Variants in SYNE1 observed in about 807,000 individuals in gnomAD.
SYNE1 encodes spectrin repeat containing nuclear envelope protein 1.
A neutral mutation model predicts 1,111.0 loss-of-function variants in SYNE1; 616 were observed. That is an observed-to-expected ratio of 0.55 (90% CI 0.52 to 0.59). The LOEUF is 0.59. SYNE1 is among the 20% of genes least tolerant of loss of function. The pLI, the probability that SYNE1 is intolerant of heterozygous loss-of-function variation, is 0.00. For missense variants in SYNE1, 10,006 were observed against 10,417.0 expected, an observed-to-expected ratio of 0.96 and a Z score of 1.72; for synonymous variants, 3,855 against 3,825.8, an observed-to-expected ratio of 1.01 and a Z score of -0.28.
In SYNE1 at chr6:152,242,261, C is replaced by T. The variant is rs777477024; in HGVS notation, c.19872G>A (p.Gln6624=). The T allele has an allele frequency of 1.9e-6, 3 of 1,614,000 alleles. No homozygotes were observed. The highest frequency in any genetic ancestry group is 4.5e-5 in the East Asian group (2 of 44,860). The change falls in exon 107 of 146, where the codon CAG becomes CAA. Residue 6624 remains glutamine, a synonymous_variant. Coordinates refer to ENST00000367255, the MANE Select transcript of SYNE1 (RefSeq NM_182961.4). The stretch of plus-strand genomic sequence containing the variant: ...GTACCTTATGTTTGTCAAGTAGTTG[C>T]TGGATTTCCTCTTTGGAAGACACGA... ...KIIVSSKEEI[Q]QLLDKHKEYF...
chr6:152,250,234 A>G (rs2088739964), intron 104 of SYNE1, among the ~76,000 whole-genome samples: 1 of 152,092 alleles, frequency 6.6e-6, no homozygotes, highest in Non-Finnish European at 1.5e-5. Context: ...ACTACATGCC[A>G]GCCTGGGTGA....
chr6:152,391,316 C>T lies in SYNE1; in HGVS notation c.7965G>A (p.Gly2655=), dbSNP rs1427730499. Reference sequence around the variant, plus strand: ...GCCGTTTCTCCAGGGTGTCTTTGCTCCCAAGAGTGCTCTCTGCACAGGCCA... The same window carrying T: ...GCCGTTTCTCCAGGGTGTCTTTGCTTCCAAGAGTGCTCTCTGCACAGGCCA... ...DRLACAESTL[G]SKDTLEKRLS... is the part of the protein sequence containing the mutation. Residue 2655 remains glycine, a synonymous_variant, in exon 52 of 146, where the codon GGG becomes GGA. Coordinates refer to ENST00000367255, the MANE Select transcript of SYNE1 (RefSeq NM_182961.4). 4.3e-6 allele frequency: 7 copies of T among 1,614,070 alleles called. No individual in the cohort carries two copies. The highest frequency in any genetic ancestry group is 3.3e-5 in the Admixed American group (2 of 60,008).
intron 121 of SYNE1, among the ~76,000 whole-genome samples, chr6:152,217,821 T>G (rs1200289726): frequency 2.0e-5 from 3 of 152,136 alleles, no homozygotes; most frequent in Non-Finnish European, 4.4e-5. Flanking sequence ...GAAATCAGCC[T>G]GTGCCCACTG....
At position 152,404,324 on chromosome 6, in the gene SYNE1, G is replaced by T. The variant is rs775056621; in HGVS notation, c.6724-10C>A. 2.5e-6 allele frequency: 4 copies of T among 1,594,260 alleles called. No homozygotes were observed. The highest frequency in any genetic ancestry group is 3.4e-6 in the Non-Finnish European group (4 of 1,164,252). On this transcript the variant is annotated splice_polypyrimidine_tract_variant and intron_variant, in intron 45 of 145. Transcript: ENST00000367255. ...TGTTTTTAACTTCAGACTGCCAAAA[G>T]GGAAGAAACATAACTAATCAAAAAC...
chr6:152,292,300 A>C (rs2094643496), intron 95 of SYNE1, among the ~76,000 whole-genome samples: 1 of 152,158 alleles, frequency 6.6e-6, no homozygotes. Flanking sequence ...CTGGTCTTGG[A>C]TAACAAGGGT....
intron 46 of SYNE1, among the ~76,000 whole-genome samples, chr6:152,403,984 A>G (rs2097856490): frequency 6.6e-6 from 1 of 151,990 alleles, no homozygotes; most frequent in South Asian, 2.1e-4. Context: ...TGATGATGAT[A>G]ACATCGAGGA....
At position 152,281,839 on chromosome 6, in the gene SYNE1, T is replaced by C. The variant is rs1301548736; in HGVS notation, c.18349A>G (p.Met6117Val). ...TCCATAAGCTGGGCCTCCATGTCCA[T>C]GGGCTCCTTGGGTGGACTCAGCGCA... is the stretch of plus-strand genomic sequence containing the variant. The part of the protein sequence containing the change: ...DTALSPPKEP[M>V]DMEAQLMDCQ... Residue 6117 changes from methionine to valine, a missense_variant, in exon 97 of 146, where the codon ATG becomes GTG. Coordinates refer to ENST00000367255, the MANE Select transcript of SYNE1 (RefSeq NM_182961.4). 2 of 1,614,060 alleles carry C rather than the reference T, an allele frequency of 1.2e-6. No individual in the cohort carries two copies. The highest frequency in any genetic ancestry group is 1.3e-5 in the African/African-American group (1 of 74,942).
In SYNE1 at chr6:152,381,167, G is replaced by A; in HGVS notation, c.8848C>T (p.Gln2950Ter). The change falls in exon 56 of 146, where the codon CAG becomes TAG. Residue 2950 changes from glutamine to a stop codon, truncating the protein, a stop_gained. Transcript: ENST00000367255. LOFTEE classifies it high-confidence loss of function. Reference protein sequence around the residue: ...TQSCLENLVSQMALSEQEFSG... With the variant: ...TQSCLENLVS ...AATTCCTGCTCCGAAAGGGCCATCT[G>A]GCTGACCAGGTTCTCCAAACAGCTC... The A allele has an allele frequency of 6.2e-7, 1 of 1,614,218 alleles. No homozygotes were observed. Among genetic ancestry groups the A allele is most frequent in the Non-Finnish European group, 8.5e-7 (1 of 1,180,044 alleles).
intron 95 of SYNE1, 108 bp from the exon 96 acceptor site, chr6:152,284,280 CTGGGAATCAT>C: frequency 1.7e-6 from 2 of 1,150,562 alleles, no homozygotes; most frequent in Non-Finnish European, 2.5e-6. Context: ...GAGATTTCAC[CTGGGAATCAT>C]TAATCAATCA....
intron 55 of SYNE1, among the ~76,000 whole-genome samples, chr6:152,382,096 A>C (rs1300065165): frequency 1.3e-5 from 2 of 152,226 alleles, no homozygotes; most frequent in African/African-American, 4.8e-5. Flanking sequence ...GGAAAACAAG[A>C]TAAAATTAAA....
At chr6:152,318,319 GTTTCCCGAGA>G in intron 85 of SYNE1, 56 bp from the exon 86 acceptor site, 1 of 1,595,564 alleles carries the variant, frequency 6.3e-7, no homozygotes, top group Non-Finnish European at 8.6e-7. Flanking sequence ...ATTTCTCCAG[GTTTCCCGAGA>G]TCAGACTGAT....
At chr6:152,290,977 G>T (rs1404107449) in intron 95 of SYNE1, among the ~76,000 whole-genome samples, 2 of 151,174 alleles carry the variant, frequency 1.3e-5, no homozygotes, top group African/African-American at 4.8e-5. Context: ...TGAAATATGT[G>T]ATGATACATG....
chr6:152,439,492 G>A (rs2098507960), intron 32 of SYNE1, among the ~76,000 whole-genome samples: 1 of 152,034 alleles, frequency 6.6e-6, no homozygotes, highest in Admixed American at 6.6e-5. Flanking sequence ...GCCTCCCAAA[G>A]TTTTAGGATT....
intron 101 of SYNE1, among the ~76,000 whole-genome samples, chr6:152,258,297 T>C (rs2091318862): frequency 1.3e-5 from 2 of 152,190 alleles, no homozygotes; most frequent in Non-Finnish European, 2.9e-5. Flanking sequence ...TAAAAAGATA[T>C]GCTGAAAGGA....
intron 17 of SYNE1, among the ~76,000 whole-genome samples, chr6:152,465,760 AACACATACACAC>A (rs1302232107): frequency 3.0e-5 from 4 of 133,316 alleles, no homozygotes; most frequent in East Asian, 2.5e-4. Flanking sequence ...CTCTTAGAAG[AACACATACACAC>A]ACACACACAC....
At chr6:152,488,604 G>T in intron 11 of SYNE1, 101 bp from the exon 12 acceptor site, 1 of 694,188 alleles carries the variant, frequency 1.4e-6, no homozygotes, top group Non-Finnish European at 2.4e-6. Context: ...TATTTAGTAA[G>T]TCCCAACTGT....
intron 128 of SYNE1, among the ~76,000 whole-genome samples, chr6:152,180,934 C>CTT (rs11454864): frequency 6.6e-6 from 1 of 150,822 alleles, no homozygotes; most frequent in African/African-American, 2.4e-5. Flanking sequence ...TCTTTTCCTT[C>CTT]TTTTTTTTTC....
intron 47 of SYNE1, among the ~76,000 whole-genome samples, chr6:152,400,279 A>G (rs1285541010): frequency 2.6e-5 from 4 of 152,204 alleles, no homozygotes; most frequent in Admixed American, 2.0e-4. Flanking sequence ...ATATGCTAAA[A>G]GAGAACAAAT....
At chr6:152,178,814 T>C (rs573732029) in intron 129 of SYNE1, among the ~76,000 whole-genome samples, 1 of 152,006 alleles carries the variant, frequency 6.6e-6, no homozygotes, top group South Asian at 2.1e-4. Context: ...GTACATTAGA[T>C]GGTGATATGT....
Sources: allele counts gnomAD v4.1 joint callset (sites outside exome capture counted in the v4.1 genomes callset), GRCh38; gene constraint gnomAD v4.1.1; transcripts MANE v1.5; gene names NCBI Gene and HGNC (gene_info 2026-07-23, HGNC 2026-07-21).